The following CNTN5 variants were observed in gnomAD, a reference collection of about 807,000 sequenced individuals.
The protein encoded by CNTN5 is contactin-5.
In CNTN5, 77 loss-of-function variants were observed where a neutral mutation model predicts 129.1. The ratio of observed to expected loss-of-function variants is 0.60; its 90% CI spans 0.50 to 0.72. CNTN5 has a LOEUF of 0.72. Among genes scored for constraint, CNTN5 ranks in the 30% least tolerant of loss-of-function variants. The pLI, the probability that CNTN5 is intolerant of heterozygous loss-of-function variation, is 0.00. For synonymous variants in CNTN5, 509 were observed against 465.6 expected (o/e 1.09, Z -1.20); for missense variants, 1,478 against 1,328.8 (o/e 1.11, Z -1.75).
chr11:99,844,680 T>C (rs528551821), intron 4 of CNTN5, 172 bp from the exon 5 acceptor site: 5 of 620,046 alleles, frequency 8.1e-6, no homozygotes, highest in Non-Finnish European at 1.1e-5. Context: ...TTTGGTTCTT[T>C]ACAATTTAAT....
rs574032469 is a variant in CNTN5 at position 100,036,601 on chromosome 11, C to A, written c.981-24611C>A. Among the ~76,000 whole-genome samples, 188 of 148,930 alleles carry A rather than the reference C, an allele frequency of 1.3e-3. 1 individual carries two copies. The highest frequency in any genetic ancestry group is 4.5e-3 in the African/African-American group (183 of 40,862). Reference sequence around the variant, plus strand: ...GATATTGATTCTTCCTACCCATGAGCAAGGAATGTTCTTCCATTTGTTTGT... The same window carrying A: ...GATATTGATTCTTCCTACCCATGAGAAAGGAATGTTCTTCCATTTGTTTGT... On this transcript the variant is annotated intron_variant, in intron 9 of 24. Transcript: ENST00000524871.
chr11:99,257,499 A>C (rs766526411), intron 1 of CNTN5, among the ~76,000 whole-genome samples: 1 of 152,118 alleles, frequency 6.6e-6, no homozygotes, highest in African/African-American at 2.4e-5. Flanking sequence ...AACACTTCAT[A>C]GTGATTGTTG....
intron 1 of CNTN5, among the ~76,000 whole-genome samples, chr11:99,283,851 T>C (rs1863808427): frequency 6.6e-6 from 1 of 152,164 alleles, no homozygotes; most frequent in South Asian, 2.1e-4. Context: ...AAGTGATTAC[T>C]AAGAAATCTT....
chr11:99,981,246 G>A (rs967478660), intron 8 of CNTN5, among the ~76,000 whole-genome samples: 2 of 151,822 alleles, frequency 1.3e-5, no homozygotes, highest in Non-Finnish European at 1.5e-5. Context: ...AAGTCCAAAG[G>A]CCTCAGAACC....
intron 1 of CNTN5, among the ~76,000 whole-genome samples, chr11:99,189,803 T>C (rs1858540420): frequency 6.6e-6 from 1 of 151,686 alleles, no homozygotes; most frequent in African/African-American, 2.4e-5. Context: ...ATTTTAGGTG[T>C]TAACCCCTTA....
chr11:99,215,638 A>G (rs1860077266), intron 1 of CNTN5, among the ~76,000 whole-genome samples: 1 of 152,176 alleles, frequency 6.6e-6, no homozygotes, highest in Non-Finnish European at 1.5e-5. Context: ...TAATTAGGAT[A>G]TTCACTGAAG....
At chr11:99,033,762 C>G (rs1254434772) in intron 1 of CNTN5, among the ~76,000 whole-genome samples, 1 of 152,148 alleles carries the variant, frequency 6.6e-6, no homozygotes, top group East Asian at 1.9e-4. Flanking sequence ...CCCTTTATTT[C>G]CTTCACCTGC....
chr11:99,601,280 T>G (rs965172258), intron 3 of CNTN5, among the ~76,000 whole-genome samples: 5 of 152,204 alleles, frequency 3.3e-5, no homozygotes, highest in African/African-American at 9.6e-5. Flanking sequence ...AATATAGTCC[T>G]TTCTGAGGGT....
intron 3 of CNTN5, among the ~76,000 whole-genome samples, chr11:99,711,921 G>A (rs1033380390): frequency 2.2e-4 from 33 of 152,018 alleles, no homozygotes; most frequent in African/African-American, 5.3e-4. Flanking sequence ...TTGCTATTGT[G>A]AATCGTGCTG....
intron 21 of CNTN5, among the ~76,000 whole-genome samples, chr11:100,320,853 A>C (rs1014555673): frequency 2.0e-5 from 3 of 152,102 alleles, no homozygotes; most frequent in African/African-American, 7.2e-5. Flanking sequence ...CTTTGTCAAA[A>C]ATCAATTGAT....
At chr11:99,543,812 G>A (rs2135502688) in intron 2 of CNTN5, among the ~76,000 whole-genome samples, 1 of 150,368 alleles carries the variant, frequency 6.7e-6, no homozygotes, top group African/African-American at 2.4e-5. Context: ...CTGCTACTCA[G>A]GAGGCTGCTG....
intron 6 of CNTN5, among the ~76,000 whole-genome samples, chr11:99,892,076 G>A (rs1949075286): frequency 1.3e-5 from 2 of 152,122 alleles, no homozygotes; most frequent in South Asian, 4.1e-4. Context: ...TTTCTCTAAT[G>A]TAATGATGAG....
At chr11:99,638,143 G>A (rs989540887) in intron 3 of CNTN5, among the ~76,000 whole-genome samples, 5 of 152,086 alleles carry the variant, frequency 3.3e-5, no homozygotes, top group South Asian at 2.1e-4. Flanking sequence ...GAATCTTGGC[G>A]GGAGGTGAAA....
At chr11:99,507,516 A>C (rs1295152990) in intron 2 of CNTN5, among the ~76,000 whole-genome samples, 3 of 151,762 alleles carry the variant, frequency 2.0e-5, no homozygotes, top group Non-Finnish European at 4.4e-5. Flanking sequence ...AAAGTGATTT[A>C]TTGACCAAAA....
Position 99,795,123 on chromosome 11 carries a change from T to C in CNTN5, c.56-24421T>C, listed in dbSNP as rs185089351. ...TTCATGGAGGTATTGTTCATTCTTC[T>C]TCATTCTTTTTTCTTTATTTTTGTC... is the stretch of plus-strand genomic sequence containing the variant. On this transcript the variant is annotated intron_variant, in intron 3 of 24. Coordinates refer to ENST00000524871, the MANE Select transcript of CNTN5 (RefSeq NM_014361.4). Among the ~76,000 whole-genome samples, 7 of 152,094 alleles carry C rather than the reference T, an allele frequency of 4.6e-5. No homozygotes were observed. In the South Asian group the frequency reaches 1.2e-3, roughly 27 times the overall value.
At chr11:99,187,924 T>A (rs2135583243) in intron 1 of CNTN5, among the ~76,000 whole-genome samples, 1 of 152,000 alleles carries the variant, frequency 6.6e-6, no homozygotes, top group East Asian at 1.9e-4. Context: ...TCTTTTTTGA[T>A]CACTTTTTGA....
At chr11:99,687,016 T>C (rs781290305) in intron 3 of CNTN5, among the ~76,000 whole-genome samples, 1 of 152,152 alleles carries the variant, frequency 6.6e-6, no homozygotes, top group Non-Finnish European at 1.5e-5. Context: ...CAGAAACCAC[T>C]TAACTCAGGA....
intron 1 of CNTN5, among the ~76,000 whole-genome samples, chr11:99,206,067 C>G (rs903520976): frequency 7.2e-5 from 11 of 152,088 alleles, no homozygotes; most frequent in Admixed American, 4.6e-4. Flanking sequence ...ATATTCTTTA[C>G]ATGTCATTAG....
chr11:99,507,300 C>G (rs550562171), intron 2 of CNTN5, among the ~76,000 whole-genome samples: 4 of 149,700 alleles, frequency 2.7e-5, no homozygotes, highest in Non-Finnish European at 4.4e-5. Context: ...TCGCTTGAAC[C>G]CGGGAGGCAG....
Sources: gnomAD v4.1 joint callset for allele counts (sites outside exome capture counted in the v4.1 genomes callset) on GRCh38, gnomAD v4.1.1 for gene constraint, MANE v1.5 for transcripts, NCBI Gene and HGNC (gene_info 2026-07-23, HGNC 2026-07-21) for gene names.